VTI1A: variants seen among roughly 807,000 people sequenced by gnomAD.
VTI1A encodes vesicle transport through interaction with t-SNAREs homolog 1A.
Under a neutral mutation model 34.9 loss-of-function variants are expected in VTI1A, and 22 were observed. The observed-to-expected ratio is 0.63, with a 90% confidence interval of 0.45 to 0.90. The LOEUF is 0.90. Ranked by LOEUF, VTI1A falls within the 40% of genes least tolerant of loss-of-function variation. The probability of loss-of-function intolerance (pLI) is 0.00; values close to 1 mark genes in which losing one functional copy is unlikely to be tolerated. For synonymous variants in VTI1A, 87 were observed against 97.3 expected (o/e 0.89, Z 0.62); for missense variants, 268 against 275.6 (o/e 0.97, Z 0.20).
chr10:112,702,884 C>G (rs1374498942), intron 7 of VTI1A, among the ~76,000 whole-genome samples: 1 of 152,184 alleles, frequency 6.6e-6, no homozygotes, highest in East Asian at 1.9e-4. Flanking sequence ...CTGCGCCTGG[C>G]TCTGCCCTAT....
At chr10:112,589,016 G>GAC (rs1564838936) in intron 5 of VTI1A, among the ~76,000 whole-genome samples, 1 of 85,272 alleles carries the variant, frequency 1.2e-5, no homozygotes. Flanking sequence ...TTGACTCCTT[G>GAC]TCTTTTTTTT....
At chr10:112,546,677 T>A (rs1433603701) in intron 5 of VTI1A, among the ~76,000 whole-genome samples, 4 of 152,114 alleles carry the variant, frequency 2.6e-5, no homozygotes, top group Admixed American at 6.5e-5. Flanking sequence ...ACATCCTTTT[T>A]TTTTAAAAAA....
chr10:112,473,537 AT>A (rs2134077734), intron 3 of VTI1A, among the ~76,000 whole-genome samples: 1 of 152,184 alleles, frequency 6.6e-6, no homozygotes, highest in African/African-American at 2.4e-5. Flanking sequence ...ATCCTAATAT[AT>A]TTCCATTTAC....
At chr10:112,561,366 A>G (rs1371221961) in intron 5 of VTI1A, among the ~76,000 whole-genome samples, 2 of 152,212 alleles carry the variant, frequency 1.3e-5, no homozygotes, top group Non-Finnish European at 2.9e-5. Flanking sequence ...TTGCAGTGTG[A>G]TCATGTTGCT....
chr10:112,747,445 C>T (rs1201319292), intron 7 of VTI1A, among the ~76,000 whole-genome samples: 1 of 152,168 alleles, frequency 6.6e-6, no homozygotes, highest in African/African-American at 2.4e-5. Context: ...ATTTTACTGT[C>T]CTGAATACGA....
intron 5 of VTI1A, among the ~76,000 whole-genome samples, chr10:112,581,964 A>G (rs1050777403): frequency 1.3e-5 from 2 of 152,238 alleles, no homozygotes; most frequent in Admixed American, 1.3e-4. Flanking sequence ...CTTCACGGCA[A>G]TATCTCTGAC....
At chr10:112,536,291 G>A (rs1271084154) in intron 4 of VTI1A, among the ~76,000 whole-genome samples, 2 of 152,102 alleles carry the variant, frequency 1.3e-5, no homozygotes, top group African/African-American at 4.8e-5. Context: ...AGATCTGATT[G>A]ATATCTTTTT....
intron 5 of VTI1A, among the ~76,000 whole-genome samples, chr10:112,660,528 C>A (rs1024007041): frequency 6.6e-6 from 1 of 152,196 alleles, no homozygotes; most frequent in Non-Finnish European, 1.5e-5. Flanking sequence ...GTGAATACTT[C>A]TTGATTTCTT....
chr10:112,450,323 G>A (rs1244331777), intron 1 of VTI1A: 2 of 152,182 alleles, frequency 1.3e-5, no homozygotes, highest in South Asian at 2.1e-4. Flanking sequence ...AATTTCAGAT[G>A]TATGTCTGTA....
At chr10:112,684,921 T>G (rs185571298) in intron 7 of VTI1A, among the ~76,000 whole-genome samples, 1 of 152,228 alleles carries the variant, frequency 6.6e-6, no homozygotes, top group Non-Finnish European at 1.5e-5. Context: ...TCTGTGTACA[T>G]TGGGCTGGCC....
At chr10:112,549,521 C>T (rs1851265628) in intron 5 of VTI1A, among the ~76,000 whole-genome samples, 2 of 152,028 alleles carry the variant, frequency 1.3e-5, no homozygotes, top group Admixed American at 6.5e-5. Flanking sequence ...TGTTATTCTC[C>T]CATATAGGGA....
At chr10:112,822,513 G>A (rs143498570), downstream of VTI1A, among the ~76,000 whole-genome samples, 99 of 152,312 alleles carry the variant, frequency 6.5e-4, 1 homozygote, top group South Asian at 0.013. Context: ...ATCCGCTGTG[G>A]TGTACAATTT....
At chr10:112,494,946 A>G (rs2134135291) in intron 3 of VTI1A, among the ~76,000 whole-genome samples, 1 of 152,348 alleles carries the variant, frequency 6.6e-6, no homozygotes, top group East Asian at 1.9e-4. Flanking sequence ...TTGGGCTATA[A>G]TAAAATTTGA....
At position 112,527,144 on chromosome 10, in the gene VTI1A, G is replaced by A. The variant is rs1850260139; in HGVS notation, c.322G>A (p.Gly108Arg). Reference sequence around the variant, plus strand: ...ACGGAATGAGCTCCTGGGGGATGATGGGAATTCCTCAGAGAACCAGGTAGA... The same window carrying A: ...ACGGAATGAGCTCCTGGGGGATGATAGGAATTCCTCAGAGAACCAGGTAGA... ...EVRNELLGDD[G>R]NSSENQRAHL... is the part of the protein sequence containing the mutation. Residue 108 changes from glycine to arginine, a missense_variant, in exon 4 of 8, where the codon GGG (glycine) becomes AGG (arginine). Gly to Arg is a moderately radical substitution (Grantham distance 125). Transcript: ENST00000393077. 5.0e-6 allele frequency: 8 copies of A among 1,613,402 alleles called. No homozygotes were observed. In the South Asian group the frequency reaches 7.7e-5, roughly 16 times the overall value.
intron 3 of VTI1A, among the ~76,000 whole-genome samples, chr10:112,521,608 C>G (rs2134208565): frequency 6.6e-6 from 1 of 152,092 alleles, no homozygotes; most frequent in East Asian, 1.9e-4. Context: ...GCTCAGAAAA[C>G]TTAATTTGAC....
chr10:112,712,890 G>T (rs941356320), intron 7 of VTI1A, among the ~76,000 whole-genome samples: 1 of 152,166 alleles, frequency 6.6e-6, no homozygotes, highest in Non-Finnish European at 1.5e-5. Context: ...TAAATTTGGG[G>T]TGGCAGATGT....
chr10:112,626,960 A>G (rs1845944558), intron 5 of VTI1A, among the ~76,000 whole-genome samples: 2 of 152,214 alleles, frequency 1.3e-5, no homozygotes, highest in African/African-American at 4.8e-5. Flanking sequence ...TTAATTGCAA[A>G]CACAGCTTGC....
At chr10:112,640,882 A>G (rs1846543143) in intron 5 of VTI1A, among the ~76,000 whole-genome samples, 1 of 152,156 alleles carries the variant, frequency 6.6e-6, no homozygotes, top group Non-Finnish European at 1.5e-5. Context: ...GGCGTCATTC[A>G]TTGTCTGGGC....
At chr10:112,657,222 A>G (rs762911176) in intron 5 of VTI1A, among the ~76,000 whole-genome samples, 1 of 152,196 alleles carries the variant, frequency 6.6e-6, no homozygotes, top group Non-Finnish European at 1.5e-5. Context: ...TTTCAGCTCA[A>G]ATATAGCAGC....
Sources: gnomAD v4.1 joint callset for allele counts (sites outside exome capture counted in the v4.1 genomes callset) on GRCh38, gnomAD v4.1.1 for gene constraint, MANE v1.5 for transcripts, NCBI Gene and HGNC (gene_info 2026-07-23, HGNC 2026-07-21) for gene names.